The following NAV1 variants were observed in gnomAD, a reference collection of about 807,000 sequenced individuals.
NAV1 encodes the protein pore membrane and/or filament interacting like protein 3.
NAV1 carries 18 observed loss-of-function variants against 175.2 expected under a neutral mutation model. The ratio of observed to expected loss-of-function variants is 0.10; its 90% CI spans 0.07 to 0.15. The LOEUF is 0.15. NAV1 is among the 10% of genes least tolerant of loss of function. The pLI, the probability that NAV1 is intolerant of heterozygous loss-of-function variation, is 1.00. For missense variants in NAV1, 1,731 were observed against 2,436.6 expected, an observed-to-expected ratio of 0.71 and a Z score of 6.10; for synonymous variants, 897 against 978.7, an observed-to-expected ratio of 0.92 and a Z score of 1.56.
At chr1:201,809,173 C>T in exon 21 of NAV1, 11 of 1,613,936 alleles carry the variant, frequency 6.8e-6, no homozygotes, top group Non-Finnish European at 9.3e-6. Flanking sequence ...GACCTGTCAC[C>T]CATGGATGGC....
At chr1:201,621,911 C>G (rs1257076494), upstream of NAV1, among the ~76,000 whole-genome samples, 1 of 152,126 alleles carries the variant, frequency 6.6e-6, no homozygotes, top group Non-Finnish European at 1.5e-5. Flanking sequence ...TTTAAATTCC[C>G]TTTGAAATGG....
intron 1 of NAV1, among the ~76,000 whole-genome samples, chr1:201,711,341 C>T (rs1267118552): frequency 1.3e-5 from 2 of 152,210 alleles, no homozygotes; most frequent in Non-Finnish European, 2.9e-5. Flanking sequence ...GAAAAGGTGC[C>T]CAAAAGGCTC....
intron 1 of NAV1, among the ~76,000 whole-genome samples, chr1:201,560,950 A>G (rs1330974940): frequency 6.6e-6 from 1 of 152,210 alleles, no homozygotes; most frequent in African/African-American, 2.4e-5. Flanking sequence ...TGCATTTGCC[A>G]CCACCACAGG....
At chr1:201,655,255 CCCCAAAGCCCAAAG>C (rs553434069) in intron 1 of NAV1, among the ~76,000 whole-genome samples, 4 of 152,262 alleles carry the variant, frequency 2.6e-5, no homozygotes, top group East Asian at 1.9e-4. Context: ...AAGCTCTCCT[CCCCAAAGCCCAAAG>C]CCCAAAGCCC....
chr1:201,685,141 G>A (rs1255331943), intron 1 of NAV1, among the ~76,000 whole-genome samples: 1 of 151,728 alleles, frequency 6.6e-6, no homozygotes, highest in East Asian at 1.9e-4. Context: ...GCATGGTGGT[G>A]GGCACCTGTA....
chr1:201,562,759 G>A (rs1244250018), intron 1 of NAV1, among the ~76,000 whole-genome samples: 1 of 152,116 alleles, frequency 6.6e-6, no homozygotes, highest in East Asian at 1.9e-4. Flanking sequence ...TAGGCGGTTG[G>A]TGCTCTCTCC....
chr1:201,746,918 C>T (rs965798552), intron 3 of NAV1, among the ~76,000 whole-genome samples: 2 of 151,476 alleles, frequency 1.3e-5, no homozygotes, highest in Admixed American at 6.6e-5. Flanking sequence ...ATGGGAGGGT[C>T]GCTTGAGCCC....
intron 1 of NAV1, among the ~76,000 whole-genome samples, chr1:201,695,698 G>A (rs574752459): frequency 9.8e-5 from 15 of 152,346 alleles, no homozygotes; most frequent in Admixed American, 6.5e-4. Context: ...GCTTGGGCAA[G>A]GGCTGAGAGA....
At position 201,756,814 on chromosome 1, in the gene NAV1, T is replaced by TTCTTTCTTTC. The variant is rs1558131332; in HGVS notation, c.1227-23605_1227-23596dup. 4.5e-3 allele frequency among the ~76,000 whole-genome samples: 16 copies of TTCTTTCTTTC among 3,526 alleles called. 1 individual carries two copies. Among genetic ancestry groups the TTCTTTCTTTC allele is most frequent in the South Asian group, 0.021 (3 of 142 alleles). The allele number at this position is 3,526 out of a possible 152,430, so 2.3% of individuals were successfully genotyped here. ...CAATTCTCTTTCTTTCTTTCCTTCT[T>TTCTTTCTTTC]TCTTTCTTTCTTTCTTTCTTTCTTT... On this transcript the variant is annotated intron_variant, in intron 3 of 29. Coordinates refer to ENST00000367296, the Ensembl canonical transcript of NAV1.
At chr1:201,648,647 C>G (rs1169202705) in exon 1 of NAV1, 8 of 1,366,506 alleles carry the variant, frequency 5.9e-6, no homozygotes, top group Non-Finnish European at 7.5e-6. Context: ...CGCGGATCGT[C>G]CATGCGCTCC....
chr1:201,615,196 G>C (rs1667967032), intron 2 of NAV1, among the ~76,000 whole-genome samples: 2 of 152,048 alleles, frequency 1.3e-5, no homozygotes, highest in African/African-American at 4.8e-5. Flanking sequence ...ACTTCCCTTT[G>C]GGAGGACGGA....
intron 1 of NAV1, among the ~76,000 whole-genome samples, chr1:201,576,437 G>T (rs1666691261): frequency 6.6e-6 from 1 of 152,016 alleles, no homozygotes; most frequent in Admixed American, 6.6e-5. Flanking sequence ...TCCAGTTTGG[G>T]GCTATTAAGA....
chr1:201,784,400 T>C (rs902797466), intron 7 of NAV1, among the ~76,000 whole-genome samples: 53 of 152,074 alleles, frequency 3.5e-4, no homozygotes, highest in African/African-American at 1.2e-3. Context: ...TCAAGTGATC[T>C]GCCTACATCA....
chr1:201,753,403 G>A (rs1333073790), intron 3 of NAV1, among the ~76,000 whole-genome samples: 1 of 152,192 alleles, frequency 6.6e-6, no homozygotes, highest in African/African-American at 2.4e-5. Flanking sequence ...GCTATCCACT[G>A]TATGATAGGA....
At chr1:201,603,344 G>C (rs1215091822) in intron 2 of NAV1, among the ~76,000 whole-genome samples, 1 of 152,124 alleles carries the variant, frequency 6.6e-6, no homozygotes, top group Non-Finnish European at 1.5e-5. Flanking sequence ...CTCATGTTCT[G>C]AAAGGACCTC....
chr1:201,689,976 A>G (rs1023257497), intron 1 of NAV1, among the ~76,000 whole-genome samples: 2 of 133,710 alleles, frequency 1.5e-5, no homozygotes, highest in African/African-American at 5.8e-5. Context: ...AATGCTGGCT[A>G]TTTCCTCCGT....
chr1:201,778,383 C>CT (rs1676093354), intron 3 of NAV1, among the ~76,000 whole-genome samples: 1 of 152,216 alleles, frequency 6.6e-6, no homozygotes, highest in African/African-American at 2.4e-5. Context: ...GTGCTACAGG[C>CT]TTCCTCTGTC....
chr1:201,622,846 C>T, upstream of NAV1: 1 of 985,880 alleles, frequency 1.0e-6, no homozygotes, highest in Non-Finnish European at 1.2e-6. Flanking sequence ...GCCCTCTCTC[C>T]CTGCAGGACA....
chr1:201,624,336 CTTTTTTTTT>C (rs1188885818), intron 1 of NAV1, among the ~76,000 whole-genome samples: 1 of 79,444 alleles, frequency 1.3e-5, no homozygotes, highest in African/African-American at 5.4e-5. Context: ...GTCAACTACG[CTTTTTTTTT>C]TTTTTTTTTT....
Sources: gnomAD v4.1 joint callset for allele counts (sites outside exome capture counted in the v4.1 genomes callset) on GRCh38, gnomAD v4.1.1 for gene constraint, MANE v1.5 for transcripts, NCBI Gene and HGNC (gene_info 2026-07-23, HGNC 2026-07-21) for gene names.